EBF1: variants seen among roughly 807,000 people sequenced by gnomAD.
EBF1 encodes the protein transcription factor COE1.
Under a neutral mutation model 68.4 loss-of-function variants are expected in EBF1, and 10 were observed. That is an observed-to-expected ratio of 0.15 (90% CI 0.09 to 0.25). The LOEUF is 0.25. EBF1 is among the 10% of genes least tolerant of loss of function. EBF1 has a pLI of 1.00. For synonymous variants in EBF1, 298 were observed against 299.8 expected, an observed-to-expected ratio of 0.99 and a Z score of 0.06; for missense variants, 509 against 794.4, an observed-to-expected ratio of 0.64 and a Z score of 4.32.
At chr5:158,783,025 GAA>G (rs11295464) in intron 9 of EBF1, among the ~76,000 whole-genome samples, 67 of 146,364 alleles carry the variant, frequency 4.6e-4, no homozygotes, top group African/African-American at 1.6e-3. Context: ...AAGATGAAAT[GAA>G]AAAAAAAAGG....
chr5:158,811,819 G>A (rs1301155820), intron 8 of EBF1, among the ~76,000 whole-genome samples: 1 of 152,122 alleles, frequency 6.6e-6, no homozygotes, highest in Non-Finnish European at 1.5e-5. Context: ...ATGGATCTCA[G>A]ACCTAACCTA....
At chr5:158,876,650 C>T (rs1322245804) in intron 6 of EBF1, among the ~76,000 whole-genome samples, 1 of 152,144 alleles carries the variant, frequency 6.6e-6, no homozygotes, top group Non-Finnish European at 1.5e-5. Flanking sequence ...AGTTCAGAGC[C>T]ACTGTTCCAT....
chr5:158,791,363 T>C (rs1447369276), intron 9 of EBF1, among the ~76,000 whole-genome samples: 1 of 150,978 alleles, frequency 6.6e-6, no homozygotes, highest in African/African-American at 2.4e-5. Flanking sequence ...GTAGCACTGA[T>C]TTCAAAGAGG....
At chr5:158,887,488 G>T (rs79149940) in intron 6 of EBF1, among the ~76,000 whole-genome samples, 2,363 of 152,256 alleles carry the variant, frequency 0.016, 57 homozygotes, top group African/African-American at 0.054. Flanking sequence ...TGAGCTTCAC[G>T]CTAAGGCTCA....
chr5:158,969,627 T>C (rs1754951165), intron 6 of EBF1, among the ~76,000 whole-genome samples: 1 of 146,032 alleles, frequency 6.8e-6, no homozygotes, highest in Admixed American at 6.8e-5. Flanking sequence ...AAGCAAAAAT[T>C]AGTTGAACAT....
intron 6 of EBF1, among the ~76,000 whole-genome samples, chr5:159,021,244 T>G (rs947260715): frequency 6.6e-6 from 1 of 152,146 alleles, no homozygotes; most frequent in Non-Finnish European, 1.5e-5. Context: ...ACTTAACACT[T>G]AATAATGCTA....
chr5:159,012,418 T>C (rs1764852406), intron 6 of EBF1, among the ~76,000 whole-genome samples: 1 of 152,090 alleles, frequency 6.6e-6, no homozygotes, highest in Non-Finnish European at 1.5e-5. Flanking sequence ...CCCATTCCAC[T>C]CCAAAATTCA....
intron 6 of EBF1, among the ~76,000 whole-genome samples, chr5:159,062,447 A>C (rs2127879527): frequency 6.6e-6 from 1 of 150,636 alleles, no homozygotes; most frequent in East Asian, 2.0e-4. Context: ...TCAACCAGGC[A>C]CATGATGGGA....
In EBF1 at chr5:159,097,138, C is replaced by T; in HGVS notation, c.135-8G>A. 1.2e-6 allele frequency: 2 copies of T among 1,612,864 alleles called. No homozygotes were observed. Among genetic ancestry groups the T allele is most frequent in the Non-Finnish European group, 1.7e-6 (2 of 1,179,578 alleles). ...CGGGCCAGACCCACCCCGCTGCGGC[C>T]AAAGACGCAGAGTTAGATGGCTAAA... On this transcript the variant is annotated splice_region_variant and splice_polypyrimidine_tract_variant and intron_variant, in intron 1 of 15. Coordinates refer to ENST00000313708, the MANE Select transcript of EBF1 (RefSeq NM_024007.5).
chr5:158,712,938 T>C (rs1176746959), intron 13 of EBF1, 32 bp downstream of exon 13: 2 of 1,402,924 alleles, frequency 1.4e-6, no homozygotes, highest in Non-Finnish European at 1.9e-6. Flanking sequence ...GTGCTTAAGG[T>C]TGGGGAGGGA....
intron 10 of EBF1, among the ~76,000 whole-genome samples, chr5:158,751,606 T>A (rs909389905): frequency 8.5e-5 from 13 of 152,070 alleles, no homozygotes; most frequent in African/African-American, 3.1e-4. Context: ...TCCACTTGAG[T>A]AACTCTGGCA....
chr5:158,793,827 A>T (rs752531112), intron 9 of EBF1, among the ~76,000 whole-genome samples: 3 of 152,220 alleles, frequency 2.0e-5, no homozygotes, highest in Admixed American at 6.5e-5. Context: ...TTGGGGCAGT[A>T]TCAAATTCTC....
chr5:158,934,025 G>A (rs577357850), intron 6 of EBF1, among the ~76,000 whole-genome samples: 3 of 152,152 alleles, frequency 2.0e-5, no homozygotes, highest in South Asian at 2.1e-4. Flanking sequence ...AGTATCTATC[G>A]TACTATTGAA....
chr5:158,954,536 G>C (rs916349281), intron 6 of EBF1, among the ~76,000 whole-genome samples: 3 of 152,258 alleles, frequency 2.0e-5, no homozygotes, highest in Non-Finnish European at 2.9e-5. Flanking sequence ...CTGTAAGCAA[G>C]AGAGGGTTTG....
intron 8 of EBF1, among the ~76,000 whole-genome samples, chr5:158,804,164 G>A (rs1007450792): frequency 6.6e-6 from 1 of 151,390 alleles, no homozygotes; most frequent in Non-Finnish European, 1.5e-5. Context: ...AATGGCTCTC[G>A]CAGAAAAGAA....
chr5:158,699,142 G>T lies in EBF1; in HGVS notation c.1745C>A (p.Ala582Glu), dbSNP rs775985452. Residue 582 changes from alanine (A) to glutamate (E), a missense_variant and splice_region_variant, in exon 16 of 16, where the codon GCG becomes GAG. Physicochemically the swap from Ala to Glu is moderately radical, Grantham distance 107 (BLOSUM62 -1). Coordinates refer to ENST00000313708, the MANE Select transcript of EBF1 (RefSeq NM_024007.5). ...CTSTNGNSLQ[A>E]ISGMIVPPM Reference sequence around the variant, plus strand: ...AGGAGGAACAATCATGCCAGATATCGCTATGAAAGAAAAGACAGAAGTCAA... The same window carrying T: ...AGGAGGAACAATCATGCCAGATATCTCTATGAAAGAAAAGACAGAAGTCAA... The T allele has an allele frequency of 6.2e-7, 1 of 1,603,982 alleles. No homozygotes were observed. Among genetic ancestry groups the T allele is most frequent in the Non-Finnish European group, 8.5e-7 (1 of 1,175,304 alleles).
intron 10 of EBF1, among the ~76,000 whole-genome samples, chr5:158,749,832 G>A (rs914177546): frequency 1.3e-5 from 2 of 152,226 alleles, no homozygotes; most frequent in African/African-American, 4.8e-5. Flanking sequence ...TAGCCTGCTA[G>A]AATATTTAGA....
chr5:158,824,825 G>A (rs1183657658), intron 7 of EBF1, among the ~76,000 whole-genome samples: 5 of 152,338 alleles, frequency 3.3e-5, no homozygotes, highest in East Asian at 1.9e-4. Context: ...TGTCCTCCTC[G>A]TTGACCTAAG....
At chr5:158,912,036 G>A (rs1316143873) in intron 6 of EBF1, among the ~76,000 whole-genome samples, 1 of 152,116 alleles carries the variant, frequency 6.6e-6, no homozygotes, top group African/African-American at 2.4e-5. Context: ...AGTAATGACA[G>A]TTTCACCTCC....
Sources: gnomAD v4.1 joint callset for allele counts (sites outside exome capture counted in the v4.1 genomes callset) on GRCh38, gnomAD v4.1.1 for gene constraint, MANE v1.5 for transcripts, NCBI Gene and HGNC (gene_info 2026-07-23, HGNC 2026-07-21) for gene names.